RAD51: variants seen among roughly 807,000 people sequenced by gnomAD.
RAD51 encodes the protein DNA repair protein RAD51 homolog 1.
Under a neutral mutation model 41.5 loss-of-function variants are expected in RAD51, and 14 were observed. That is an observed-to-expected ratio of 0.34 (90% confidence interval 0.22 to 0.53). The LOEUF (loss-of-function observed/expected upper bound fraction) is 0.53. Ranked by LOEUF, RAD51 falls within the 20% of genes least tolerant of loss-of-function variation. The pLI is 0.95. For missense variants in RAD51, 234 were observed against 422.0 expected (o/e 0.55, Z 3.90); for synonymous variants, 136 against 148.6 (o/e 0.92, Z 0.62).
chr15:40,721,127 G>A (rs561983119), intron 6 of RAD51, among the ~76,000 whole-genome samples: 1 of 152,206 alleles, frequency 6.6e-6, no homozygotes, highest in Non-Finnish European at 1.5e-5. Flanking sequence ...AAGTTGCAGT[G>A]ACCTGAGATC....
chr15:40,720,325 G>A (rs1384346811), intron 6 of RAD51, among the ~76,000 whole-genome samples: 1 of 151,908 alleles, frequency 6.6e-6, no homozygotes, highest in African/African-American at 2.4e-5. Flanking sequence ...CAAGTGATCT[G>A]CCTGCCTTGG....
chr15:40,713,245 C>CTTTTTTTT (rs368095686), intron 5 of RAD51, among the ~76,000 whole-genome samples: 1 of 127,142 alleles, frequency 7.9e-6, no homozygotes, highest in Non-Finnish European at 1.6e-5. Context: ...TCTTATTTTC[C>CTTTTTTTT]TTTTTTTTTT....
chr15:40,728,608 C>A, intron 6 of RAD51, 103 bp from the exon 7 acceptor site: 1 of 933,280 alleles, frequency 1.1e-6, no homozygotes, highest in Non-Finnish European at 1.8e-6. Context: ...ACTGTCAGTA[C>A]CACTTCTTCC....
chr15:40,705,215 C>T (rs1009215446), intron 3 of RAD51, among the ~76,000 whole-genome samples: 4 of 152,210 alleles, frequency 2.6e-5, no homozygotes, highest in African/African-American at 9.6e-5. Context: ...ATTGCAAAAA[C>T]ATTTTCTGAT....
At chr15:40,717,507 T>C (rs932126132) in intron 5 of RAD51, among the ~76,000 whole-genome samples, 1 of 152,198 alleles carries the variant, frequency 6.6e-6, no homozygotes, top group Admixed American at 6.6e-5. Flanking sequence ...TTCAAAGGTA[T>C]CTGGTATGGA....
intron 3 of RAD51, 124 bp downstream of exon 3, chr15:40,701,325 C>A: frequency 2.0e-6 from 2 of 1,004,484 alleles, no homozygotes; most frequent in Non-Finnish European, 3.0e-6. Flanking sequence ...CCAGGGGTGA[C>A]TGTTACCTGT....
At chr15:40,725,165 C>A (rs1896518693) in intron 6 of RAD51, among the ~76,000 whole-genome samples, 1 of 152,144 alleles carries the variant, frequency 6.6e-6, no homozygotes, top group East Asian at 1.9e-4. Context: ...TCCCAAAGTG[C>A]TGGGATTACA....
rs34400306 is a variant in RAD51 at position 40,718,344 on chromosome 15, C to T, written c.436-461C>T. Reference sequence around the variant, plus strand: ...ACCAGCCTAGCCAACTTGGTGAAACCCTGTTTCTACTAAAAATACAAAAAT... The same window carrying T: ...ACCAGCCTAGCCAACTTGGTGAAACTCTGTTTCTACTAAAAATACAAAAAT... On this transcript the variant is annotated intron_variant, in intron 5 of 9. Transcript: ENST00000267868. Among the ~76,000 whole-genome samples the T allele has an allele frequency of 9.5e-3, 1,442 of 152,034 alleles. 22 individuals are homozygous for T. Among genetic ancestry groups the T allele is most frequent in the African/African-American group, 0.033 (1,382 of 41,446 alleles).
intron 5 of RAD51, among the ~76,000 whole-genome samples, chr15:40,716,273 A>G (rs558986357): frequency 6.6e-6 from 1 of 152,364 alleles, no homozygotes; most frequent in Admixed American, 6.5e-5. Context: ...AACCACTTAT[A>G]TAAAAGAAGT....
At chr15:40,721,383 C>A (rs1408402035) in intron 6 of RAD51, among the ~76,000 whole-genome samples, 1 of 152,054 alleles carries the variant, frequency 6.6e-6, no homozygotes, top group Non-Finnish European at 1.5e-5. Flanking sequence ...GGTTTAAATT[C>A]TTATTATAAA....
chr15:40,729,176 TC>T (rs764522784), intron 7 of RAD51, among the ~76,000 whole-genome samples: 3 of 151,714 alleles, frequency 2.0e-5, no homozygotes, highest in Non-Finnish European at 4.4e-5. Context: ...ATCGAGAACA[TC>T]CTGGCTAACA....
At chr15:40,710,489 G>GA (rs1296511679) in intron 5 of RAD51, among the ~76,000 whole-genome samples, 3 of 109,492 alleles carry the variant, frequency 2.7e-5, no homozygotes, top group Non-Finnish European at 5.0e-5. Context: ...TCAAAGAAGC[G>GA]AGACTCTGTC....
chr15:40,726,572 C>T lies in RAD51; in HGVS notation c.531-2139C>T, dbSNP rs545139810. ...GCCTGCCCAGGAATTTGTTTTCTAA[C>T]GGGTGTTCCAGGTTATTATCTTTAA... On this transcript the variant is annotated intron_variant, in intron 6 of 9. Coordinates refer to ENST00000267868, the MANE Select transcript of RAD51 (RefSeq NM_002875.5). 2.3e-3 allele frequency among the ~76,000 whole-genome samples: 352 copies of T among 151,442 alleles called. 1 individual carries two copies. The highest frequency in any genetic ancestry group is 3.9e-3 in the Non-Finnish European group (263 of 67,814).
rs552888978 is a variant in RAD51 at position 40,696,864 on chromosome 15, A to C, written c.-3+1439A>C. On this transcript the variant is annotated intron_variant, in intron 1 of 9. Coordinates refer to ENST00000267868, the MANE Select transcript of RAD51 (RefSeq NM_002875.5). ...TTCCTGATTAATAATGATGTTGGAC[A>C]TCTGTTCATATGTTTTTGCCCATTT... 2.6e-5 allele frequency among the ~76,000 whole-genome samples: 4 copies of C among 152,268 alleles called. No homozygotes were observed. The South Asian group carries it at 8.3e-4, about 32-fold the overall frequency.
chr15:40,730,248 A>C (rs1048055330), intron 9 of RAD51, among the ~76,000 whole-genome samples: 11 of 152,134 alleles, frequency 7.2e-5, no homozygotes, highest in Admixed American at 1.3e-4. Context: ...AGTGGCTCAC[A>C]CTGGTAATCC....
intron 7 of RAD51, 131 bp downstream of exon 7, chr15:40,728,955 C>A: frequency 1.2e-6 from 1 of 801,536 alleles, no homozygotes; most frequent in Non-Finnish European, 2.1e-6. Flanking sequence ...CCTGTGTTGA[C>A]ACTCTTGCTT....
At chr15:40,715,348 C>G (rs1230626442) in intron 5 of RAD51, among the ~76,000 whole-genome samples, 3 of 144,044 alleles carry the variant, frequency 2.1e-5, no homozygotes, top group East Asian at 2.2e-4. Context: ...GAGTAAGATT[C>G]TGTCTCAAAA....
chr15:40,724,756 G>A (rs1896475307), intron 6 of RAD51, among the ~76,000 whole-genome samples: 1 of 134,674 alleles, frequency 7.4e-6, no homozygotes, highest in Non-Finnish European at 1.5e-5. Context: ...CTCGGCTCAC[G>A]CAAGCTCCAC....
rs572078312 is a variant in RAD51, at chr15:40,706,822, T to C, written c.343+528T>C. 5.3e-5 allele frequency among the ~76,000 whole-genome samples: 8 copies of C among 152,356 alleles called. No individual in the cohort carries two copies. The East Asian group carries it at 1.5e-3, about 29-fold the overall frequency. On this transcript the variant is annotated intron_variant, in intron 4 of 9. Transcript: ENST00000267868. ...TAAATAATTTAGTCTCCATTTAATA[T>C]TGTGTTAAGAGAGTAAGCTCCTTTT... is the stretch of plus-strand genomic sequence containing the variant.
Sources: allele counts gnomAD v4.1 joint callset (sites outside exome capture counted in the v4.1 genomes callset), GRCh38; gene constraint gnomAD v4.1.1; transcripts MANE v1.5; gene names NCBI Gene and HGNC (gene_info 2026-07-23, HGNC 2026-07-21).